WWOX: variants seen among roughly 807,000 people sequenced by gnomAD.
WWOX encodes the protein WW domain containing oxidoreductase.
A neutral mutation model predicts 46.2 loss-of-function variants in WWOX; 69 were observed. The ratio of observed to expected loss-of-function variants is 1.49; its 90% CI spans 1.23 to 1.82. WWOX has a LOEUF of 1.82. WWOX is among the 40% of genes most tolerant of loss of function. The pLI, the probability that WWOX is intolerant of heterozygous loss-of-function variation, is 0.00. For missense variants in WWOX, 919 were observed against 542.6 expected, an observed-to-expected ratio of 1.69 and a Z score of -6.89; for synonymous variants, 359 against 202.6, an observed-to-expected ratio of 1.77 and a Z score of -6.56.
chr16:79,150,699 C>T (rs1490562334), intron 8 of WWOX, among the ~76,000 whole-genome samples: 2 of 152,058 alleles, frequency 1.3e-5, no homozygotes, highest in Non-Finnish European at 2.9e-5. Context: ...TTGCCCAGGC[C>T]ACCGTTTATG....
At chr16:78,608,016 C>G (rs2045803673) in intron 8 of WWOX, among the ~76,000 whole-genome samples, 1 of 152,096 alleles carries the variant, frequency 6.6e-6, no homozygotes, top group Non-Finnish European at 1.5e-5. Flanking sequence ...TGTCACTAGT[C>G]AACCGCAACA....
At chr16:79,026,256 A>C (rs372189313) in intron 8 of WWOX, among the ~76,000 whole-genome samples, 1 of 151,042 alleles carries the variant, frequency 6.6e-6, no homozygotes, top group African/African-American at 2.5e-5. Flanking sequence ...TGCTTTAGTC[A>C]CCCTACCCTC....
At chr16:78,562,501 C>T (rs139085514) in intron 8 of WWOX, among the ~76,000 whole-genome samples, 1,551 of 152,266 alleles carry the variant, frequency 0.01, 25 homozygotes, top group Middle Eastern at 0.048. Flanking sequence ...ATGGAGGTAC[C>T]CATTCTGCAC....
intron 5 of WWOX, among the ~76,000 whole-genome samples, chr16:78,384,817 A>G (rs2082026441): frequency 6.6e-6 from 1 of 152,056 alleles, no homozygotes; most frequent in African/African-American, 2.4e-5. Flanking sequence ...ACATAATTTC[A>G]TCACTTTCTA....
At chr16:79,195,690 G>T (rs117144701) in intron 8 of WWOX, among the ~76,000 whole-genome samples, 1 of 152,216 alleles carries the variant, frequency 6.6e-6, no homozygotes, top group Non-Finnish European at 1.5e-5. Flanking sequence ...TAGACCGGGA[G>T]CTAGCTCCTT....
chr16:78,189,230 A>T (rs2035805024), intron 5 of WWOX, among the ~76,000 whole-genome samples: 1 of 152,192 alleles, frequency 6.6e-6, no homozygotes, highest in Non-Finnish European at 1.5e-5. Context: ...ACATTGTGAC[A>T]AGTTAACAGC....
chr16:78,362,058 G>A lies in WWOX; in HGVS notation c.517-24802G>A, dbSNP rs549697780. On this transcript the variant is annotated intron_variant, in intron 5 of 8. Coordinates refer to ENST00000566780, the MANE Select transcript of WWOX (RefSeq NM_016373.4). ...TTTCTGGTTGGCTTCTATGAAGGACGCTATTTTAATGGGGTGATTTTTTTC... is the reference window on the plus strand; with the variant it reads ...TTTCTGGTTGGCTTCTATGAAGGACACTATTTTAATGGGGTGATTTTTTTC... Among the ~76,000 whole-genome samples, 14 of 150,872 alleles carry A rather than the reference G, an allele frequency of 9.3e-5. No homozygotes were observed. In the South Asian group the frequency reaches 2.3e-3, roughly 25 times the overall value.
intron 8 of WWOX, among the ~76,000 whole-genome samples, chr16:79,089,292 G>GATT (rs1159302232): frequency 6.7e-6 from 1 of 150,168 alleles, no homozygotes; most frequent in East Asian, 2.0e-4. Flanking sequence ...GCAAAGGTTT[G>GATT]ATTATAAATT....
At chr16:78,641,473 A>T (rs973952991) in intron 8 of WWOX, among the ~76,000 whole-genome samples, 1 of 152,068 alleles carries the variant, frequency 6.6e-6, no homozygotes, top group Non-Finnish European at 1.5e-5. Context: ...TCCCCACCCA[A>T]TCCCCTCTCA....
chr16:79,123,849 G>C (rs1197361595), intron 8 of WWOX, among the ~76,000 whole-genome samples: 1 of 152,176 alleles, frequency 6.6e-6, no homozygotes, highest in Non-Finnish European at 1.5e-5. Context: ...AAGAGAAACT[G>C]ATTGATATAC....
intron 8 of WWOX, among the ~76,000 whole-genome samples, chr16:78,817,172 CTTTT>C (rs33981779): frequency 1.5e-3 from 75 of 51,568 alleles, no homozygotes; most frequent in East Asian, 3.5e-3. Flanking sequence ...TAGTGCTATT[CTTTT>C]TTTTTTTTTT....
At chr16:78,614,975 G>C (rs555240586) in intron 8 of WWOX, among the ~76,000 whole-genome samples, 6 of 152,006 alleles carry the variant, frequency 3.9e-5, no homozygotes, top group Non-Finnish European at 8.8e-5. Context: ...GTTTAATCAC[G>C]TTTTGCTCTG....
chr16:78,816,574 G>A (rs1409657070), intron 8 of WWOX, among the ~76,000 whole-genome samples: 3 of 121,106 alleles, frequency 2.5e-5, no homozygotes, highest in Admixed American at 1.1e-4. Flanking sequence ...AAGCCTGGCC[G>A]TTTGTCTTTA....
chr16:78,519,923 T>G (rs1597204496), intron 8 of WWOX, among the ~76,000 whole-genome samples: 4 of 152,212 alleles, frequency 2.6e-5, no homozygotes, highest in Admixed American at 1.3e-4. Context: ...CTAAAGGTTT[T>G]TGAGATTCTT....
At chr16:78,507,801 T>G (rs536690266) in intron 8 of WWOX, among the ~76,000 whole-genome samples, 1 of 152,280 alleles carries the variant, frequency 6.6e-6, no homozygotes, top group South Asian at 2.1e-4. Flanking sequence ...CCTTGATTAA[T>G]AAGGCGTGAA....
chr16:78,649,931 C>G lies in WWOX; in HGVS notation c.1056+217179C>G, dbSNP rs143261809. Among the ~76,000 whole-genome samples, 444 of 152,256 alleles carry G rather than the reference C, an allele frequency of 2.9e-3. 2 individuals carry two copies. Among genetic ancestry groups the G allele is most frequent in the African/African-American group, 0.01 (425 of 41,552 alleles). On this transcript the variant is annotated intron_variant, in intron 8 of 8. Transcript: ENST00000566780. Reference sequence around the variant, plus strand: ...CTGTGTCTGTGTTTGGATCAACAGCCCTGGCCACCATCTTGATTCATTTCT... The same window carrying G: ...CTGTGTCTGTGTTTGGATCAACAGCGCTGGCCACCATCTTGATTCATTTCT...
chr16:78,640,678 C>G (rs890786857), intron 8 of WWOX, among the ~76,000 whole-genome samples: 10 of 152,136 alleles, frequency 6.6e-5, no homozygotes, highest in African/African-American at 2.4e-4. Context: ...GTGGCTCACG[C>G]CTGTAATCCT....
chr16:78,933,475 A>C (rs960101972), intron 8 of WWOX, among the ~76,000 whole-genome samples: 3 of 152,236 alleles, frequency 2.0e-5, no homozygotes, highest in African/African-American at 2.4e-5. Context: ...AGATGTTGAC[A>C]TAACAGTTCT....
chr16:78,688,087 C>T (rs2047902858), intron 8 of WWOX, among the ~76,000 whole-genome samples: 1 of 142,314 alleles, frequency 7.0e-6, no homozygotes, highest in Admixed American at 6.8e-5. Context: ...TTCAAATTCA[C>T]AGACCAGGAA....
Sources: gnomAD v4.1 joint callset for allele counts (sites outside exome capture counted in the v4.1 genomes callset) on GRCh38, gnomAD v4.1.1 for gene constraint, MANE v1.5 for transcripts, NCBI Gene and HGNC (gene_info 2026-07-23, HGNC 2026-07-21) for gene names.